NRF1: variants seen among roughly 807,000 people sequenced by gnomAD.
The protein encoded by NRF1 is nuclear respiratory factor 1, also known as alpha palindromic-binding protein.
A neutral mutation model predicts 58.5 loss-of-function variants in NRF1; 5 were observed. The observed-to-expected ratio is 0.09, with a 90% CI of 0.04 to 0.18. The LOEUF (loss-of-function observed/expected upper bound fraction) is 0.18. Ranked by LOEUF, NRF1 falls within the 10% of genes least tolerant of loss-of-function variation. NRF1 has a pLI of 1.00. For missense variants in NRF1, 288 were observed against 657.7 expected (o/e 0.44, Z 6.15); for synonymous variants, 224 against 246.7 (o/e 0.91, Z 0.86).
intron 3 of NRF1, among the ~76,000 whole-genome samples, chr7:129,672,226 A>ATTTTTTT (rs1802064967): frequency 7.7e-6 from 1 of 130,086 alleles, no homozygotes; most frequent in Non-Finnish European, 1.6e-5. Context: ...TTTTTGATAG[A>ATTTTTTT]TGTGGTCTTG....
intron 1 of NRF1, among the ~76,000 whole-genome samples, chr7:129,641,315 A>G (rs1212301726): frequency 6.6e-6 from 1 of 152,148 alleles, no homozygotes; most frequent in Admixed American, 6.5e-5. Context: ...ATAATTTTAA[A>G]TGATAAACTT....
intron 1 of NRF1, among the ~76,000 whole-genome samples, chr7:129,617,454 T>C (rs1002507523): frequency 1.3e-5 from 2 of 152,210 alleles, no homozygotes; most frequent in Admixed American, 6.5e-5. Flanking sequence ...GATTCTTGTT[T>C]TATGTTCAAA....
At chr7:129,674,627 G>A (rs1005516951) in intron 3 of NRF1, among the ~76,000 whole-genome samples, 1 of 151,960 alleles carries the variant, frequency 6.6e-6, no homozygotes, top group African/African-American at 2.4e-5. Context: ...TAAAGACGGG[G>A]TCTCACTATG....
chr7:129,646,568 T>A (rs6969441), intron 1 of NRF1, among the ~76,000 whole-genome samples: 3 of 152,064 alleles, frequency 2.0e-5, no homozygotes, highest in Admixed American at 2.0e-4. Flanking sequence ...TCTGATCTCC[T>A]AGTGGAATGC....
intron 9 of NRF1, among the ~76,000 whole-genome samples, chr7:129,725,053 TAAAAAC>T (rs565852296): frequency 1.1e-3 from 172 of 152,080 alleles, no homozygotes; most frequent in African/African-American, 3.9e-3. Context: ...TCTAAAAAAA[TAAAAAC>T]AAAAATGAAA....
intron 2 of NRF1, among the ~76,000 whole-genome samples, chr7:129,669,110 G>A (rs1220069665): frequency 6.6e-6 from 1 of 152,080 alleles, no homozygotes; most frequent in Non-Finnish European, 1.5e-5. Context: ...ACCATGCCCA[G>A]CTAATTTTGT....
intron 10 of NRF1, among the ~76,000 whole-genome samples, chr7:129,743,809 C>T (rs890945002): frequency 6.6e-6 from 1 of 152,206 alleles, no homozygotes. Flanking sequence ...CCTCTGCCCC[C>T]CGACCCAGCT....
intron 10 of NRF1, among the ~76,000 whole-genome samples, chr7:129,748,359 A>G (rs35601889): frequency 1.4e-3 from 218 of 151,446 alleles, no homozygotes; most frequent in Non-Finnish European, 2.5e-3. Flanking sequence ...ACTCCTTGGG[A>G]ACAGGTCAGC....
chr7:129,638,369 C>T lies in NRF1; in HGVS notation c.-6-18977C>T, dbSNP rs1402036820. Among the ~76,000 whole-genome samples the T allele has an allele frequency of 2.0e-5, 3 of 152,090 alleles. No homozygotes were observed. The South Asian group carries it at 6.2e-4, about 31-fold the overall frequency. On this transcript the variant is annotated intron_variant, in intron 1 of 10. Coordinates refer to ENST00000393232, the MANE Select transcript of NRF1 (RefSeq NM_005011.5). ...AGCATATTACTGCTGGCGAGAAAGACGGTTGACTTGTTTTGACCCAAGTGA... is the reference window on the plus strand; with the variant it reads ...AGCATATTACTGCTGGCGAGAAAGATGGTTGACTTGTTTTGACCCAAGTGA...
chr7:129,754,979 G>A, intron 10 of NRF1, 39 bp from the exon 11 acceptor site: 1 of 1,520,216 alleles, frequency 6.6e-7, no homozygotes, highest in Non-Finnish European at 8.8e-7. Flanking sequence ...GGGAACTTGA[G>A]CCTGAGCCCC....
chr7:129,616,062 C>CAT (rs976896857), intron 1 of NRF1, among the ~76,000 whole-genome samples: 10 of 152,114 alleles, frequency 6.6e-5, no homozygotes, highest in Admixed American at 2.0e-4. Context: ...TACACACACA[C>CAT]ATATATATAT....
chr7:129,708,966 TG>T, intron 5 of NRF1, 108 bp from the exon 6 acceptor site: 1 of 940,086 alleles, frequency 1.1e-6, no homozygotes, highest in Non-Finnish European at 1.5e-6. Flanking sequence ...TAGAATTCTC[TG>T]GGACCTTCCT....
chr7:129,716,860 A>G (rs970467461), intron 8 of NRF1, among the ~76,000 whole-genome samples: 4 of 99,210 alleles, frequency 4.0e-5, no homozygotes, highest in Non-Finnish European at 8.9e-5. Context: ...ACAGAGGGAG[A>G]CTCCCTCTCA....
chr7:129,731,934 T>C (rs1444514785), intron 10 of NRF1, among the ~76,000 whole-genome samples: 1 of 152,164 alleles, frequency 6.6e-6, no homozygotes, highest in Non-Finnish European at 1.5e-5. Flanking sequence ...TTTTTGAACA[T>C]AGTTATCTCA....
At chr7:129,664,542 CTTGAAATGTTTGTAAAATATATTTT>C (rs1801877483) in intron 2 of NRF1, among the ~76,000 whole-genome samples, 1 of 152,150 alleles carries the variant, frequency 6.6e-6, no homozygotes. Flanking sequence ...GGGCAAAACA[CTTGAAATGTTTGTAAAATATATTTT>C]GTGAAATGCT....
chr7:129,640,296 C>T (rs904930632), intron 1 of NRF1, among the ~76,000 whole-genome samples: 6 of 152,106 alleles, frequency 3.9e-5, no homozygotes, highest in Non-Finnish European at 7.4e-5. Context: ...GTAGGAGGAT[C>T]GCATGAGCCC....
chr7:129,684,825 G>A (rs1262350389), intron 4 of NRF1, among the ~76,000 whole-genome samples: 1 of 152,182 alleles, frequency 6.6e-6, no homozygotes, highest in Non-Finnish European at 1.5e-5. Flanking sequence ...TGGATACAAG[G>A]TATGAGATAA....
rs1802215225 is a variant in NRF1, at chr7:129,677,677, G to C, written c.384G>C (p.Gln128His). Residue 128 changes from glutamine to histidine, a missense_variant, in exon 4 of 11, where the codon CAG becomes CAC. Physicochemically the swap from Gln to His is conservative, Grantham distance 24. This residue lies in a region of NRF1 where 212 missense variants were observed against 559.7 expected (regional missense o/e 0.38). Transcript: ENST00000393232. The stretch of plus-strand genomic sequence containing the variant: ...ATGAATATACTACTCGTGTGGGACA[G>C]CAAGCTATTGTCCTCTGTATCTCAC... ...TLDEYTTRVGQQAIVLCISPS... is the reference protein window; with the variant it reads ...TLDEYTTRVGHQAIVLCISPS... 1 of 1,613,608 alleles carries C rather than the reference G, an allele frequency of 6.2e-7. No homozygotes were observed. Among genetic ancestry groups the C allele is most frequent in the South Asian group, 1.1e-5 (1 of 91,072 alleles).
intron 4 of NRF1, among the ~76,000 whole-genome samples, chr7:129,679,793 C>A (rs144868944): frequency 0.013 from 2,016 of 151,622 alleles, 54 homozygotes; most frequent in East Asian, 0.1. Flanking sequence ...CACAGTGGCT[C>A]ACGCCTGTAA....
Sources: allele counts gnomAD v4.1 joint callset (sites outside exome capture counted in the v4.1 genomes callset), GRCh38; gene constraint gnomAD v4.1.1; regional missense constraint gnomAD v4.1.1; transcripts MANE v1.5; gene names NCBI Gene and HGNC (gene_info 2026-07-23, HGNC 2026-07-21).